The following RAB11FIP4 variants were observed in gnomAD, a reference collection of about 807,000 sequenced individuals.
The protein encoded by RAB11FIP4 is RAB11 family interacting protein 4, also known as rab11 family-interacting protein 4.
Under a neutral mutation model 74.3 loss-of-function variants are expected in RAB11FIP4, and 23 were observed. That is an observed-to-expected ratio of 0.31 (90% CI 0.22 to 0.44). The LOEUF (loss-of-function observed/expected upper bound fraction) is 0.44, where lower values mean the gene tolerates loss of function less well. RAB11FIP4 is among the 20% of genes least tolerant of loss of function. The probability of loss-of-function intolerance (pLI) is 1.00; values close to 1 mark genes in which losing one functional copy is unlikely to be tolerated. For missense variants in RAB11FIP4, 630 were observed against 863.9 expected (o/e 0.73, Z 3.39); for synonymous variants, 360 against 359.9 (o/e 1.00, Z 0.00).
chr17:31,521,090 T>C (rs2072655646), intron 4 of RAB11FIP4, 76 bp from the exon 5 acceptor site: 1 of 1,189,818 alleles, frequency 8.4e-7, no homozygotes, highest in Non-Finnish European at 1.2e-6. Flanking sequence ...GGGAAATGCC[T>C]GTCAGTTTCC....
intron 1 of RAB11FIP4, among the ~76,000 whole-genome samples, chr17:31,413,261 G>T (rs2071115530): frequency 6.6e-6 from 1 of 152,128 alleles, no homozygotes; most frequent in South Asian, 2.1e-4. Flanking sequence ...CCCAACTCCT[G>T]CAGGCCAGCA....
chr17:31,469,469 T>TA (rs1379069036), intron 3 of RAB11FIP4, among the ~76,000 whole-genome samples: 1 of 151,328 alleles, frequency 6.6e-6, no homozygotes, highest in Non-Finnish European at 1.5e-5. Context: ...AAATAAATTT[T>TA]AAAAAAAATG....
At chr17:31,440,829 T>C (rs178855) in intron 3 of RAB11FIP4, among the ~76,000 whole-genome samples, 91,375 of 152,064 alleles carry the variant, frequency 0.6, 28,495 homozygotes, top group African/African-American at 0.76. Context: ...CATATTTTCT[T>C]TTCTGGAACA....
chr17:31,512,572 C>G lies in RAB11FIP4; in HGVS notation c.337-5079C>G, dbSNP rs767613330. 6.6e-6 allele frequency among the ~76,000 whole-genome samples: 1 copy of G among 152,166 alleles called. No homozygotes were observed. ...GCCATGTACCAGCCAAGCCTGTGGG[C>G]CTATGGTGGCTGGCCCTGTGTCCCA... On this transcript the variant is annotated intron_variant, in intron 3 of 14. Coordinates refer to ENST00000621161, the MANE Select transcript of RAB11FIP4 (RefSeq NM_032932.6). This position sits in a 1 kb window ranked among gnomAD's most constrained non-coding sequence, Gnocchi z 4.1.
intron 3 of RAB11FIP4, among the ~76,000 whole-genome samples, chr17:31,462,479 C>A (rs1056332441): frequency 1.3e-5 from 2 of 152,060 alleles, no homozygotes; most frequent in African/African-American, 4.8e-5. Flanking sequence ...CTTGGAACAG[C>A]CCCAGCGAGG....
chr17:31,490,029 G>C (rs1040118088), intron 3 of RAB11FIP4, among the ~76,000 whole-genome samples: 1 of 152,200 alleles, frequency 6.6e-6, no homozygotes, highest in East Asian at 1.9e-4. Flanking sequence ...TTAGGCAAGT[G>C]GGGGAGGAAA....
At chr17:31,477,043 CAG>C (rs1170512328) in intron 3 of RAB11FIP4, among the ~76,000 whole-genome samples, 2 of 152,250 alleles carry the variant, frequency 1.3e-5, no homozygotes, top group Non-Finnish European at 2.9e-5. Context: ...CTCCACAGGG[CAG>C]AGTCTGCAGC....
intron 3 of RAB11FIP4, among the ~76,000 whole-genome samples, chr17:31,449,287 C>T (rs2071500922): frequency 6.6e-6 from 1 of 152,120 alleles, no homozygotes; most frequent in Non-Finnish European, 1.5e-5. Flanking sequence ...CACTCGCCTT[C>T]ACAAACAGCC....
chr17:31,492,994 C>A lies in RAB11FIP4; in HGVS notation c.337-24657C>A, dbSNP rs180810162. On this transcript the variant is annotated intron_variant, in intron 3 of 14. Transcript: ENST00000621161. ...GAACATAGGCAACCAGAAGGACGTG[C>A]AGCCTACAAGGGTCGTATGAAGGTC... Among the ~76,000 whole-genome samples the A allele has an allele frequency of 2.0e-4, 30 of 152,206 alleles. 1 individual carries two copies. The East Asian group carries it at 5.8e-3, about 29-fold the overall frequency.
At chr17:31,411,505 C>T (rs1474349289) in intron 1 of RAB11FIP4, among the ~76,000 whole-genome samples, 1 of 152,206 alleles carries the variant, frequency 6.6e-6, no homozygotes, top group Non-Finnish European at 1.5e-5. Flanking sequence ...TCCAAGGGCT[C>T]GCATGAGGAT....
intron 3 of RAB11FIP4, among the ~76,000 whole-genome samples, chr17:31,506,973 T>C (rs1465156430): frequency 6.6e-6 from 1 of 152,188 alleles, no homozygotes; most frequent in Non-Finnish European, 1.5e-5. Context: ...TCCATAATGA[T>C]TGTTCTATTA....
At chr17:31,507,977 C>T (rs1023740214) in intron 3 of RAB11FIP4, among the ~76,000 whole-genome samples, 45 of 152,260 alleles carry the variant, frequency 3.0e-4, no homozygotes, top group African/African-American at 8.9e-4. Context: ...CAGGCATGCG[C>T]CACCACACCT....
chr17:31,473,716 C>G (rs887111729), intron 3 of RAB11FIP4, among the ~76,000 whole-genome samples: 1 of 152,206 alleles, frequency 6.6e-6, no homozygotes, highest in Non-Finnish European at 1.5e-5. Flanking sequence ...ATGGTCCTCA[C>G]CTGAGCTCCT....
At chr17:31,531,112 G>C in intron 14 of RAB11FIP4, 1 of 160,230 alleles carries the variant, frequency 6.2e-6, no homozygotes, top group East Asian at 1.8e-4. Flanking sequence ...GTGAAGAGCT[G>C]ACCTCTGTCC....
chr17:31,495,002 C>T (rs998741690), intron 3 of RAB11FIP4, among the ~76,000 whole-genome samples: 1 of 152,222 alleles, frequency 6.6e-6, no homozygotes, highest in African/African-American at 2.4e-5. Context: ...GGAGGATGGC[C>T]CTCCACACCT....
intron 13 of RAB11FIP4, 86 bp from the exon 14 acceptor site, chr17:31,530,240 C>T (rs938709964): frequency 1.1e-5 from 17 of 1,535,540 alleles, no homozygotes; most frequent in Middle Eastern, 1.7e-4. Context: ...GGCGGCAGGT[C>T]GGGGACGGTG....
At chr17:31,501,207 G>A (rs1485203406) in intron 3 of RAB11FIP4, among the ~76,000 whole-genome samples, 1 of 135,762 alleles carries the variant, frequency 7.4e-6, no homozygotes, top group Non-Finnish European at 1.6e-5. Context: ...TTTTTTTTTA[G>A]GACAGACCAA....
intron 1 of RAB11FIP4, among the ~76,000 whole-genome samples, chr17:31,401,037 G>A (rs571793384): frequency 6.6e-6 from 1 of 152,324 alleles, no homozygotes; most frequent in African/African-American, 2.4e-5. Context: ...GGGAGGCCAA[G>A]GCAGGCAGAT....
intron 3 of RAB11FIP4, among the ~76,000 whole-genome samples, chr17:31,503,234 T>A (rs1351503580): frequency 6.7e-6 from 1 of 149,776 alleles, no homozygotes; most frequent in Non-Finnish European, 1.5e-5. Flanking sequence ...GATTTCAACA[T>A]GTTGGCCAGG....
Sources: allele counts gnomAD v4.1 joint callset (sites outside exome capture counted in the v4.1 genomes callset), GRCh38; gene constraint gnomAD v4.1.1; non-coding constraint Gnocchi (gnomAD v3.1); transcripts MANE v1.5; gene names NCBI Gene and HGNC (gene_info 2026-07-23, HGNC 2026-07-21).